Variants in AGBL4 observed in about 807,000 individuals in gnomAD.
AGBL4 encodes AGBL carboxypeptidase 4.
AGBL4 carries 58 observed loss-of-function variants against 66.4 expected under a neutral mutation model. The observed-to-expected ratio is 0.87, with a 90% CI of 0.71 to 1.09. AGBL4 has a LOEUF of 1.09. AGBL4 is among the 50% of genes least tolerant of loss of function. The pLI is 0.00. For synonymous variants in AGBL4, 234 were observed against 222.9 expected, an observed-to-expected ratio of 1.05 and a Z score of -0.44; for missense variants, 579 against 631.0, an observed-to-expected ratio of 0.92 and a Z score of 0.88.
intron 4 of AGBL4, among the ~76,000 whole-genome samples, chr1:49,061,658 T>C (rs900538708): frequency 6.6e-6 from 1 of 152,116 alleles, no homozygotes; most frequent in Non-Finnish European, 1.5e-5. Context: ...GTAGAGGTTT[T>C]GGAACTGAGA....
At chr1:49,807,603 C>T (rs1571610573) in intron 2 of AGBL4, among the ~76,000 whole-genome samples, 5 of 152,274 alleles carry the variant, frequency 3.3e-5, no homozygotes, top group Admixed American at 3.3e-4. Flanking sequence ...AGACTCTGGA[C>T]TTTTGACTTT....
At chr1:49,916,892 GA>G (rs1363962167) in intron 1 of AGBL4, among the ~76,000 whole-genome samples, 2 of 152,174 alleles carry the variant, frequency 1.3e-5, no homozygotes, top group Non-Finnish European at 2.9e-5. Context: ...TCTCTCGGCA[GA>G]AACCCTACAA....
chr1:48,604,095 C>G (rs11205514), intron 9 of AGBL4, among the ~76,000 whole-genome samples: 41,222 of 151,972 alleles, frequency 0.27, 6,182 homozygotes, highest in Middle Eastern at 0.36. Flanking sequence ...TTGGCACCAC[C>G]GCACTACAGC....
At chr1:49,795,879 A>C (rs1450186873) in intron 2 of AGBL4, among the ~76,000 whole-genome samples, 1 of 152,012 alleles carries the variant, frequency 6.6e-6, no homozygotes, top group Non-Finnish European at 1.5e-5. Flanking sequence ...TATTTTTCTG[A>C]TTTGGAAGGA....
At chr1:48,989,490 C>T (rs927311703) in intron 5 of AGBL4, among the ~76,000 whole-genome samples, 1 of 151,998 alleles carries the variant, frequency 6.6e-6, no homozygotes, top group African/African-American at 2.4e-5. Context: ...ATATTTTATA[C>T]TCATTAACCA....
At chr1:49,256,889 T>C (rs1004701176) in intron 3 of AGBL4, among the ~76,000 whole-genome samples, 1 of 152,182 alleles carries the variant, frequency 6.6e-6, no homozygotes, top group Non-Finnish European at 1.5e-5. Flanking sequence ...TATAAATGAA[T>C]GGTCCTGGAT....
chr1:49,931,995 T>C (rs1206760898), intron 1 of AGBL4, among the ~76,000 whole-genome samples: 2 of 152,192 alleles, frequency 1.3e-5, no homozygotes, highest in African/African-American at 4.8e-5. Context: ...GAAAAACGTT[T>C]AGAGGAGCAT....
At chr1:49,826,436 C>T (rs930536699) in intron 2 of AGBL4, among the ~76,000 whole-genome samples, 6 of 152,136 alleles carry the variant, frequency 3.9e-5, no homozygotes, top group African/African-American at 7.2e-5. Context: ...AGTGACAAAT[C>T]GAAGACTAAG....
rs548537306 is a variant in AGBL4 at position 49,138,300 on chromosome 1, T to C, written c.378-92500A>G. ...GAACCAAAGGAGGAACAGGTAGGGA[T>C]AGACTTTGCAGAAGCTAATGGAGAA... On this transcript the variant is annotated intron_variant, in intron 4 of 13. Transcript: ENST00000371839. Among the ~76,000 whole-genome samples the C allele has an allele frequency of 3.3e-5, 5 of 152,210 alleles. No homozygotes were observed. The South Asian group carries it at 1.0e-3, about 32-fold the overall frequency.
intron 5 of AGBL4, among the ~76,000 whole-genome samples, chr1:48,869,885 C>T (rs879336396): frequency 6.6e-6 from 1 of 152,092 alleles, no homozygotes; most frequent in Non-Finnish European, 1.5e-5. Flanking sequence ...TCTTAAGGGC[C>T]TAGAACACCT....
intron 6 of AGBL4, among the ~76,000 whole-genome samples, chr1:48,737,613 A>G (rs1017588573): frequency 9.9e-5 from 15 of 152,238 alleles, no homozygotes; most frequent in African/African-American, 3.4e-4. Context: ...CACAAAGAAC[A>G]AAACACAATC....
At chr1:48,871,797 C>T (rs1162460270) in intron 5 of AGBL4, among the ~76,000 whole-genome samples, 2 of 152,090 alleles carry the variant, frequency 1.3e-5, no homozygotes, top group Non-Finnish European at 2.9e-5. Flanking sequence ...AGCACCCTTG[C>T]TCCAGGAATT....
At chr1:49,312,870 C>A (rs1644965516) in intron 3 of AGBL4, among the ~76,000 whole-genome samples, 1 of 152,014 alleles carries the variant, frequency 6.6e-6, no homozygotes, top group South Asian at 2.1e-4. Flanking sequence ...TAATTCATTT[C>A]TTTTTTCTTT....
chr1:49,809,239 G>T (rs1241210204), intron 2 of AGBL4, among the ~76,000 whole-genome samples: 1 of 151,882 alleles, frequency 6.6e-6, no homozygotes, highest in Non-Finnish European at 1.5e-5. Flanking sequence ...CATGTGCCAT[G>T]TTGGTGTGCT....
chr1:49,949,984 GTA>G (rs200645395), intron 1 of AGBL4, among the ~76,000 whole-genome samples: 7 of 134,788 alleles, frequency 5.2e-5, no homozygotes, highest in African/African-American at 8.0e-5. Context: ...ACACACATAT[GTA>G]TATATATATG....
chr1:48,634,798 T>C (rs1466589427), intron 8 of AGBL4, among the ~76,000 whole-genome samples, 194 bp from the exon 9 acceptor site: 1 of 152,234 alleles, frequency 6.6e-6, no homozygotes, highest in Non-Finnish European at 1.5e-5. Flanking sequence ...TCACTACTAT[T>C]GCAATTCCCA....
At chr1:49,410,883 A>T (rs553233909) in intron 3 of AGBL4, among the ~76,000 whole-genome samples, 2 of 152,314 alleles carry the variant, frequency 1.3e-5, no homozygotes, top group Non-Finnish European at 2.9e-5. Flanking sequence ...TCAAATGCTT[A>T]CTATATGCCA....
chr1:49,932,573 C>G (rs961510498), intron 1 of AGBL4, among the ~76,000 whole-genome samples: 1 of 151,968 alleles, frequency 6.6e-6, no homozygotes, highest in Non-Finnish European at 1.5e-5. Context: ...AGACACTAAC[C>G]GGATGAAAAG....
chr1:49,422,969 A>G (rs1020704627), intron 3 of AGBL4: 1 of 152,356 alleles, frequency 6.6e-6, no homozygotes, highest in Non-Finnish European at 1.5e-5. Context: ...CTGCAGTTAG[A>G]TAAGACTATG....
Sources: gnomAD v4.1 joint callset for allele counts (sites outside exome capture counted in the v4.1 genomes callset) on GRCh38, gnomAD v4.1.1 for gene constraint, MANE v1.5 for transcripts, NCBI Gene and HGNC (gene_info 2026-07-23, HGNC 2026-07-21) for gene names.